The following SH3RF3 variants were observed in gnomAD, a reference collection of about 807,000 sequenced individuals.
SH3RF3 encodes E3 ubiquitin-protein ligase SH3RF3.
Under a neutral mutation model 66.3 loss-of-function variants are expected in SH3RF3, and 29 were observed. That is an observed-to-expected ratio of 0.44 (90% confidence interval 0.33 to 0.60). The LOEUF is 0.60. Ranked by LOEUF, SH3RF3 falls within the 20% of genes least tolerant of loss-of-function variation. SH3RF3 has a pLI of 0.04. For missense variants in SH3RF3, 1,194 were observed against 1,190.9 expected, an observed-to-expected ratio of 1.00 and a Z score of -0.04; for synonymous variants, 583 against 532.0, an observed-to-expected ratio of 1.10 and a Z score of -1.32.
At chr2:109,173,350 G>A (rs935083413) in intron 1 of SH3RF3, among the ~76,000 whole-genome samples, 4 of 152,096 alleles carry the variant, frequency 2.6e-5, no homozygotes, top group Non-Finnish European at 5.9e-5. Flanking sequence ...GTTATCAACC[G>A]AGCCGTCCCT....
intron 8 of SH3RF3, among the ~76,000 whole-genome samples, chr2:109,456,175 G>A (rs908142088): frequency 6.6e-6 from 1 of 152,186 alleles, no homozygotes; most frequent in African/African-American, 2.4e-5. Flanking sequence ...AACCACCTCT[G>A]CCCTGGCCAC....
At chr2:109,189,157 G>A (rs573781190) in intron 1 of SH3RF3, among the ~76,000 whole-genome samples, 65 of 152,090 alleles carry the variant, frequency 4.3e-4, no homozygotes, top group African/African-American at 1.6e-3. Flanking sequence ...CTCGCTGACA[G>A]TGTTGTGTTT....
rs187813972 is a variant in SH3RF3 at position 109,468,302 on chromosome 2, G to C, written c.2148+18813G>C. ...ACTGTAACACAGCGGCAAGTACCGT[G>C]TGTCTAAATATAGCTAAACATAGGA... On this transcript the variant is annotated intron_variant, in intron 8 of 9. Transcript: ENST00000309415. 7.9e-4 allele frequency among the ~76,000 whole-genome samples: 120 copies of C among 152,278 alleles called. 1 individual carries two copies. The highest frequency in any genetic ancestry group is 2.6e-3 in the African/African-American group (110 of 41,540).
chr2:109,389,488 C>T (rs6749245), intron 3 of SH3RF3, among the ~76,000 whole-genome samples: 79,238 of 152,024 alleles, frequency 0.52, 21,101 homozygotes, highest in South Asian at 0.61. Flanking sequence ...ACCACATGGA[C>T]GCATGCCAAT....
intron 3 of SH3RF3, among the ~76,000 whole-genome samples, chr2:109,391,460 C>T (rs1573214269): frequency 6.6e-6 from 1 of 152,216 alleles, no homozygotes; most frequent in African/African-American, 2.4e-5. Flanking sequence ...TCTGGCAGGG[C>T]CGGCGGCCTC....
At chr2:109,181,238 A>G (rs1678066980) in intron 1 of SH3RF3, among the ~76,000 whole-genome samples, 1 of 152,150 alleles carries the variant, frequency 6.6e-6, no homozygotes, top group African/African-American at 2.4e-5. Flanking sequence ...AGAAAACAGA[A>G]CAGAGGATTC....
intron 1 of SH3RF3, among the ~76,000 whole-genome samples, chr2:109,317,546 C>T (rs1309220103): frequency 5.3e-5 from 8 of 152,126 alleles, no homozygotes; most frequent in Non-Finnish European, 8.8e-5. Flanking sequence ...CTCGTTCTGC[C>T]GGGCCTGCCT....
chr2:109,291,380 C>T (rs1681176930), intron 1 of SH3RF3, among the ~76,000 whole-genome samples: 1 of 151,198 alleles, frequency 6.6e-6, no homozygotes, highest in Non-Finnish European at 1.5e-5. Flanking sequence ...CCAGGCCCAT[C>T]TGCCCAAACA....
At position 109,379,116 on chromosome 2, in the gene SH3RF3, G is replaced by A. The variant is rs954626128; in HGVS notation, c.945+7435G>A. Among the ~76,000 whole-genome samples, 21 of 152,298 alleles carry A rather than the reference G, an allele frequency of 1.4e-4. No individual in the cohort carries two copies. In the East Asian group the frequency reaches 3.5e-3, roughly 25 times the overall value. ...GCTCTTGGTGATTGCTGTCCTGTGC[G>A]TTCTGCTGTCCCATATCTGCAAATC... On this transcript the variant is annotated intron_variant, in intron 3 of 9. Transcript: ENST00000309415.
chr2:109,492,655 G>C (rs1417087797), intron 9 of SH3RF3, among the ~76,000 whole-genome samples: 1 of 152,142 alleles, frequency 6.6e-6, no homozygotes, highest in East Asian at 1.9e-4. Context: ...TTTGTAAAAG[G>C]CTAGGTAACT....
intron 1 of SH3RF3, among the ~76,000 whole-genome samples, chr2:109,147,296 T>C (rs1677122132): frequency 6.6e-6 from 1 of 152,130 alleles, no homozygotes; most frequent in African/African-American, 2.4e-5. Context: ...TGCTGCTCTC[T>C]CTCTATCAGA....
intron 1 of SH3RF3, among the ~76,000 whole-genome samples, chr2:109,141,134 A>G (rs1379908519): frequency 6.6e-6 from 1 of 152,066 alleles, no homozygotes; most frequent in Non-Finnish European, 1.5e-5. Flanking sequence ...GAAAGATGCA[A>G]CCACACCCCC....
chr2:109,363,180 G>A (rs1158357381), intron 2 of SH3RF3, among the ~76,000 whole-genome samples: 1 of 151,616 alleles, frequency 6.6e-6, no homozygotes, highest in Admixed American at 6.6e-5. Context: ...TTTTTATTGA[G>A]CATTTTTTAT....
At position 109,342,510 on chromosome 2, in the gene SH3RF3, C is replaced by G. The variant is rs186900201; in HGVS notation, c.574-5164C>G. ...GGTGGTGAGAGCCGTGACAAGTGCT[C>G]TCCTTGAAAGATTGCATCCTTAGGG... On this transcript the variant is annotated intron_variant, in intron 1 of 9. Coordinates refer to ENST00000309415, the MANE Select transcript of SH3RF3 (RefSeq NM_001099289.3). Among the ~76,000 whole-genome samples, 19 of 152,330 alleles carry G rather than the reference C, an allele frequency of 1.2e-4. No homozygotes were observed. In the East Asian group the frequency reaches 2.3e-3, roughly 19 times the overall value.
rs1024924304 is a variant in SH3RF3, at chr2:109,129,578, C to T, written c.38C>T (p.Ala13Val). The change falls in exon 1 of 10, where the codon GCG becomes GTG. Residue 13 changes from alanine (A) to valine (V), a missense_variant. Transcript: ENST00000309415. ...LGASWLCASK[A>V]AAAAAQSEGD... ...GCGTCCTGGCTGTGCGCATCCAAGG[C>T]GGCCGCCGCTGCTGCGCAGAGCGAG... 4 of 1,484,436 alleles carry T rather than the reference C, an allele frequency of 2.7e-6. No homozygotes were observed. Among genetic ancestry groups the T allele is most frequent in the African/African-American group, 2.9e-5 (2 of 68,070 alleles). 92.0% of individuals were successfully genotyped at this position (1,484,436 alleles called of 1,614,324 possible). A position where few individuals can be genotyped will look rare whatever the true frequency, so the allele number is the denominator to read the frequency against.
rs369577921 is a variant in SH3RF3 at position 109,286,995 on chromosome 2, C to T, written c.574-60679C>T. Among the ~76,000 whole-genome samples the T allele has an allele frequency of 8.7e-4, 133 of 152,334 alleles. 1 individual carries two copies. The highest frequency in any genetic ancestry group is 3.0e-3 in the African/African-American group (123 of 41,570). On this transcript the variant is annotated intron_variant, in intron 1 of 9. Transcript: ENST00000309415. The stretch of plus-strand genomic sequence containing the variant: ...ACAGACTGGCAGCACTGAAATGGGA[C>T]GTGCAACTGTCCCTGTGCTCAGCTC...
At position 109,303,292 on chromosome 2, in the gene SH3RF3, G is replaced by A. The variant is rs147451615; in HGVS notation, c.574-44382G>A. 5.1e-3 allele frequency among the ~76,000 whole-genome samples: 780 copies of A among 152,342 alleles called. 9 individuals are homozygous for A. Among genetic ancestry groups the A allele is most frequent in the African/African-American group, 0.018 (737 of 41,588 alleles). ...ATATGCTTCCCAGTGAATTTGGAAC[G>A]TCCATCCATGTGAGGAAAGAGCTTG... On this transcript the variant is annotated intron_variant, in intron 1 of 9. Coordinates refer to ENST00000309415, the MANE Select transcript of SH3RF3 (RefSeq NM_001099289.3).
chr2:109,316,490 A>C (rs76877923), intron 1 of SH3RF3, among the ~76,000 whole-genome samples: 1 of 151,956 alleles, frequency 6.6e-6, no homozygotes, highest in South Asian at 2.1e-4. Context: ...AGCCCATGAC[A>C]TGGAGAGAAC....
intron 1 of SH3RF3, among the ~76,000 whole-genome samples, chr2:109,267,122 C>T (rs1257134955): frequency 6.6e-6 from 1 of 152,098 alleles, no homozygotes; most frequent in Non-Finnish European, 1.5e-5. Context: ...GCTCAGTAAT[C>T]AGCCAGGGAG....
Sources: allele counts gnomAD v4.1 joint callset (sites outside exome capture counted in the v4.1 genomes callset), GRCh38; gene constraint gnomAD v4.1.1; transcripts MANE v1.5; gene names NCBI Gene and HGNC (gene_info 2026-07-23, HGNC 2026-07-21).